Variants in DRC4 observed in about 807,000 individuals in gnomAD.
DRC4 encodes the protein GAS-11.
At chr16:90,041,308 C>T in the DRC4 span, among the ~76,000 whole-genome samples, 67,067 of 151,914 alleles carry the variant, frequency 0.44, 15,908 homozygotes, top group Non-Finnish European at 0.55. Context: ...ATGACAGAGG[C>T]CCCCGCAGGG....
chr16:90,031,355 A>C, the DRC4 span: 9 of 1,613,686 alleles, frequency 5.6e-6, no homozygotes, highest in East Asian at 1.6e-4. Context: ...GGGAGGAACG[A>C]AACTACTTCC....
At chr16:90,035,888 G>C in the DRC4 span, 1 of 1,462,198 alleles carries the variant, frequency 6.8e-7, no homozygotes, top group Non-Finnish European at 9.0e-7. Flanking sequence ...ATGTGAGTTT[G>C]GGAGGCTGTG....
At chr16:90,035,959 T>G in the DRC4 span, 1 of 1,357,258 alleles carries the variant, frequency 7.4e-7, no homozygotes, top group Non-Finnish European at 9.7e-7. Context: ...TGGTAGCTAT[T>G]CAGTGCCGTG....
chr16:90,034,352 G>A, the DRC4 span, among the ~76,000 whole-genome samples: 5 of 152,132 alleles, frequency 3.3e-5, no homozygotes, highest in Non-Finnish European at 5.9e-5. Context: ...GGCCGGGTGC[G>A]GTGGCTCACG....
At chr16:90,042,390 G>C in the DRC4 span, 1 of 1,113,062 alleles carries the variant, frequency 9.0e-7, no homozygotes, top group African/African-American at 1.5e-5. Flanking sequence ...CTCTCAGAAC[G>C]CCCACTGGAG....
the DRC4 span, chr16:90,032,592 GT>G: frequency 1.3e-6 from 1 of 797,368 alleles, no homozygotes; most frequent in East Asian, 2.6e-5. Flanking sequence ...GTGACCAGGT[GT>G]GTACAGGTAT....
At chr16:90,039,369 ATTTATTTATTTATTTAT>A in the DRC4 span, among the ~76,000 whole-genome samples, 1 of 147,764 alleles carries the variant, frequency 6.8e-6, no homozygotes, top group African/African-American at 2.6e-5. Context: ...TTATTTATTT[ATTTATTTATTTATTTAT>A]TTATTTATTT....
At chr16:90,042,776 G>T in the DRC4 span, 6 of 551,602 alleles carry the variant, frequency 1.1e-5, no homozygotes, top group South Asian at 1.0e-4. Flanking sequence ...GGGGGACCTG[G>T]ACGCTTCCCT....
chr16:90,032,768 G>C, the DRC4 span: 11 of 1,613,958 alleles, frequency 6.8e-6, no homozygotes, highest in Non-Finnish European at 9.3e-6. Flanking sequence ...AGAACAACCT[G>C]ACAGAGATGA....
chr16:90,019,906 T>TG, the DRC4 span: 1 of 80,002 alleles, frequency 1.2e-5, no homozygotes, highest in Admixed American at 1.2e-4. The surrounding 1 kb of genome is among the most constrained non-coding windows in gnomAD (Gnocchi z 6.1). Flanking sequence ...GGGGGGCGGG[T>TG]GGGGGCGAGG....
At chr16:90,028,011 C>T in the DRC4 span, 2 of 397,910 alleles carry the variant, frequency 5.0e-6, no homozygotes, top group East Asian at 4.2e-5. Flanking sequence ...TATTCTCTTT[C>T]AATCTTACCC....
the DRC4 span, chr16:90,037,409 C>T: frequency 6.2e-7 from 1 of 1,603,620 alleles, no homozygotes; most frequent in Non-Finnish European, 8.5e-7. Flanking sequence ...TGTGAGTTTC[C>T]CGCTGGATTC....
At chr16:90,033,065 A>G in the DRC4 span, 1 of 877,358 alleles carries the variant, frequency 1.1e-6, no homozygotes, top group Non-Finnish European at 1.7e-6. Context: ...ATTTGTTGAA[A>G]AAAAATTTTT....
chr16:90,036,609 G>C, the DRC4 span: 5 of 1,554,168 alleles, frequency 3.2e-6, no homozygotes, highest in South Asian at 5.9e-5. Context: ...GGCTGGGCTG[G>C]GGAGGCACAC....
chr16:90,040,648 G>GACCTGAGAACAGA, the DRC4 span: 1 of 499,778 alleles, frequency 2.0e-6, no homozygotes, highest in Non-Finnish European at 3.5e-6. Flanking sequence ...GGTTTCCTGT[G>GACCTGAGAACAGA]GCCAGTTTCG....
At chr16:90,025,044 T>G in the DRC4 span, among the ~76,000 whole-genome samples, 2 of 146,904 alleles carry the variant, frequency 1.4e-5, no homozygotes, top group Non-Finnish European at 1.5e-5. Flanking sequence ...TGAGGTAGAG[T>G]CTTACCCTGT....
the DRC4 span, chr16:90,027,604 G>C: frequency 1.9e-6 from 3 of 1,604,164 alleles, no homozygotes; most frequent in Non-Finnish European, 2.6e-6. Flanking sequence ...GAAGCTGTTA[G>C]AGTCTCTCTT....
chr16:90,037,746 C>T, the DRC4 span: 3 of 1,610,942 alleles, frequency 1.9e-6, no homozygotes, highest in African/African-American at 2.7e-5. Flanking sequence ...TCCCCTACTC[C>T]CTGTTTTTCC....
the DRC4 span, chr16:90,031,266 C>T: frequency 2.5e-6 from 4 of 1,609,650 alleles, no homozygotes; most frequent in Non-Finnish European, 3.4e-6. Context: ...GGCCCCTGCT[C>T]AGTGCCTCAC....
Sources: gnomAD v4.1 joint callset for allele counts (sites outside exome capture counted in the v4.1 genomes callset) on GRCh38, gnomAD v4.1.1 for gene constraint, Gnocchi (gnomAD v3.1) non-coding constraint, MANE v1.5 for transcripts, NCBI Gene and HGNC (gene_info 2026-07-23, HGNC 2026-07-21) for gene names.